The following CEP63 variants were observed in gnomAD, a reference collection of about 807,000 sequenced individuals.
CEP63 encodes centrosomal protein 63.
CEP63 carries 84 observed loss-of-function variants against 89.1 expected under a neutral mutation model. The observed-to-expected ratio is 0.94, with a 90% confidence interval of 0.79 to 1.13. The LOEUF (loss-of-function observed/expected upper bound fraction) is 1.13, where lower values mean the gene tolerates loss of function less well. Ranked by LOEUF, CEP63 falls within the 50% of genes most tolerant of loss-of-function variation. CEP63 has a pLI of 0.00. For synonymous variants in CEP63, 267 were observed against 272.5 expected (o/e 0.98, Z 0.20); for missense variants, 838 against 813.3 (o/e 1.03, Z -0.37).
chr3:134,545,923 A>G (rs965937574), intron 7 of CEP63, 104 bp downstream of exon 7: 1 of 925,714 alleles, frequency 1.1e-6, no homozygotes, highest in Non-Finnish European at 1.6e-6. Flanking sequence ...TTTCTTCCCT[A>G]CTTTATAAAT....
intron 5 of CEP63, 103 bp from the exon 6 acceptor site, chr3:134,537,052 C>A (rs557222483): frequency 2.5e-6 from 2 of 785,234 alleles, no homozygotes; most frequent in Admixed American, 1.8e-5. Flanking sequence ...AAGGTGCAAG[C>A]GTACCCAGGG....
chr3:134,678,300 T>C, the CEP63 span, among the ~76,000 whole-genome samples: 1 of 152,188 alleles, frequency 6.6e-6, no homozygotes, highest in African/African-American at 2.4e-5. Flanking sequence ...AATACTTTTC[T>C]GGACACCCCA....
the CEP63 span, among the ~76,000 whole-genome samples, chr3:134,592,795 G>T: frequency 2.0e-5 from 3 of 152,118 alleles, no homozygotes; most frequent in South Asian, 2.1e-4. Context: ...TTCTTCATGT[G>T]GTTTCGTATG....
Position 134,511,861 on chromosome 3 carries a change from A to G in CEP63, c.222+4575A>G, listed in dbSNP as rs190020831. On this transcript the variant is annotated intron_variant, in intron 3 of 14. Transcript: ENST00000675561. ...CTCCAACATTGAAGACTACAGTTCA[A>G]CATGAGATTTGGGTAGGGACACAGC... 4.5e-4 allele frequency among the ~76,000 whole-genome samples: 68 copies of G among 152,354 alleles called. 1 individual carries two copies. Among genetic ancestry groups the G allele is most frequent in the African/African-American group, 1.5e-3 (64 of 41,580 alleles).
chr3:134,532,683 G>T, intron 4 of CEP63, 95 bp from the exon 5 acceptor site: 2 of 966,592 alleles, frequency 2.1e-6, no homozygotes, highest in South Asian at 2.7e-5. Flanking sequence ...AGTAGTACTG[G>T]TTAGCACTGC....
rs1441682372 is a variant in CEP63, at chr3:134,546,186, T to C, written c.827T>C (p.Leu276Pro). Residue 276 changes from leucine to proline, a missense_variant, in exon 8 of 15, where the codon CTT becomes CCT. Leu to Pro is a moderately conservative substitution (Grantham distance 98). Transcript: ENST00000675561. ...GAAAAGAGAGAATTGAAGGCAGCTC[T>C]TCAGTCTCAAGAAAATCTCATACAT... ...QEEKRELKAA[L>P]QSQENLIHEA... 2 of 1,613,912 alleles carry C rather than the reference T, an allele frequency of 1.2e-6. No individual in the cohort carries two copies. Among genetic ancestry groups the C allele is most frequent in the Non-Finnish European group, 1.7e-6 (2 of 1,179,934 alleles).
Position 134,550,104 on chromosome 3 carries a change from T to A in CEP63, c.1224T>A (p.Ser408=). Residue 408 remains serine, a synonymous_variant, in exon 11 of 15, where the codon TCT becomes TCA. Coordinates refer to ENST00000675561, the MANE Select transcript of CEP63 (RefSeq NM_001353108.3). ...QILQGEQSYS[S]ALEGMKMEIS... is the part of the protein sequence containing the mutation. ...TACAGGGTGAACAAAGTTACAGTTC[T>A]GCACTAGAAGGAATGAAGATGGAAA... The A allele has an allele frequency of 6.2e-7, 1 of 1,614,068 alleles. No homozygotes were observed. Among genetic ancestry groups the A allele is most frequent in the Non-Finnish European group, 8.5e-7 (1 of 1,179,926 alleles).
chr3:134,533,272 C>T (rs6801596), intron 5 of CEP63, among the ~76,000 whole-genome samples: 96,376 of 152,048 alleles, frequency 0.63, 31,270 homozygotes, highest in East Asian at 0.81. Context: ...TATTGTACCT[C>T]AAATGCCAGT....
At chr3:134,528,813 T>C (rs1254892910) in intron 3 of CEP63, among the ~76,000 whole-genome samples, 1 of 152,236 alleles carries the variant, frequency 6.6e-6, no homozygotes. Context: ...TACCATACTT[T>C]CTAATTTTGG....
chr3:134,548,942 A>G, intron 9 of CEP63, 120 bp from the exon 10 acceptor site: 1 of 691,064 alleles, frequency 1.4e-6, no homozygotes. Flanking sequence ...TAAATGACTG[A>G]GGTGATGTTT....
Position 134,538,564 on chromosome 3 carries a change from TA to T in CEP63, c.555+1297del, listed in dbSNP as rs562986844. Among the ~76,000 whole-genome samples, 8 of 144,614 alleles carry T rather than the reference TA, an allele frequency of 5.5e-5. 1 individual carries two copies. The East Asian group carries it at 1.2e-3, about 22-fold the overall frequency. 94.9% of individuals were successfully genotyped at this position (144,614 alleles called of 152,430 possible). On this transcript the variant is annotated intron_variant, in intron 6 of 14. Coordinates refer to ENST00000675561, the MANE Select transcript of CEP63 (RefSeq NM_001353108.3). Reference sequence around the variant, plus strand: ...ATATATATATATATATGTATATATATATTTTTTTAACAACAAAAAATTTTTT... The same window carrying T: ...ATATATATATATATATGTATATATATTTTTTTTAACAACAAAAAATTTTTT...
chr3:134,580,437 C>G (rs543849895), intron 10 of CEP63, among the ~76,000 whole-genome samples: 7 of 132,610 alleles, frequency 5.3e-5, no homozygotes, highest in African/African-American at 1.7e-4. Flanking sequence ...ATTTTATGAT[C>G]TAAAATTTAC....
chr3:134,619,119 G>T, the CEP63 span: 1 of 1,564,054 alleles, frequency 6.4e-7, no homozygotes. Context: ...GGGTCCGGTG[G>T]TCAGCATGGG....
At chr3:134,760,098 G>T in the CEP63 span, among the ~76,000 whole-genome samples, 3 of 137,034 alleles carry the variant, frequency 2.2e-5, no homozygotes, top group South Asian at 4.5e-4. Context: ...TCGCTCTGTC[G>T]CCCAGGCTGG....
chr3:134,614,777 G>C, the CEP63 span, among the ~76,000 whole-genome samples: 9 of 152,182 alleles, frequency 5.9e-5, no homozygotes, highest in Non-Finnish European at 1.2e-4. Flanking sequence ...ACTGTATGAT[G>C]CTCCTACAGT....
At chr3:134,693,874 G>A in the CEP63 span, among the ~76,000 whole-genome samples, 2 of 152,186 alleles carry the variant, frequency 1.3e-5, no homozygotes, top group African/African-American at 4.8e-5. Flanking sequence ...TTGAGTTCAG[G>A]GTCCATGTCT....
chr3:134,592,666 C>G (rs1361858163), downstream of CEP63, among the ~76,000 whole-genome samples: 1 of 151,990 alleles, frequency 6.6e-6, no homozygotes, highest in African/African-American at 2.4e-5. Context: ...GCTTTGAGGA[C>G]AAAAGTCAGC....
chr3:134,766,158 A>G, the CEP63 span, among the ~76,000 whole-genome samples: 1 of 152,166 alleles, frequency 6.6e-6, no homozygotes. Flanking sequence ...CATACTGTGA[A>G]TGTATTTGGG....
intron 3 of CEP63, among the ~76,000 whole-genome samples, chr3:134,507,816 T>C (rs756920096): frequency 3.1e-4 from 47 of 152,298 alleles, no homozygotes; most frequent in Non-Finnish European, 5.6e-4. Context: ...TCATTGATAT[T>C]GGTAATTTGG....
Sources: gnomAD v4.1 joint callset for allele counts (sites outside exome capture counted in the v4.1 genomes callset) on GRCh38, gnomAD v4.1.1 for gene constraint, MANE v1.5 for transcripts, NCBI Gene and HGNC (gene_info 2026-07-23, HGNC 2026-07-21) for gene names.